The following ZBTB7C variants were observed in gnomAD, a reference collection of about 807,000 sequenced individuals.
ZBTB7C encodes the protein zinc finger and BTB domain containing 7C, also known as zinc finger and BTB domain-containing protein 7C.
ZBTB7C carries 8 observed loss-of-function variants against 25.7 expected under a neutral mutation model. That is an observed-to-expected ratio of 0.31 (90% CI 0.18 to 0.56). The LOEUF (loss-of-function observed/expected upper bound fraction) is 0.56. Ranked by LOEUF, ZBTB7C falls within the 20% of genes least tolerant of loss-of-function variation. The pLI, the probability that ZBTB7C is intolerant of heterozygous loss-of-function variation, is 0.91. For missense variants in ZBTB7C, 824 were observed against 855.2 expected (o/e 0.96, Z 0.46); for synonymous variants, 394 against 369.0 (o/e 1.07, Z -0.78).
Position 48,251,226 on chromosome 18 carries a change from C to T in ZBTB7C, c.-78-65231G>A, listed in dbSNP as rs973879941. 5.9e-5 allele frequency among the ~76,000 whole-genome samples: 9 copies of T among 151,510 alleles called. 1 individual carries two copies. The highest frequency in any genetic ancestry group is 1.3e-4 in the Non-Finnish European group (9 of 67,958). On this transcript the variant is annotated intron_variant, in intron 2 of 4. Coordinates refer to ENST00000590800, the MANE Select transcript of ZBTB7C (RefSeq NM_001318841.2). ...GTGACAGAGCAAGAACCTGTCTCCC[C>T]CCAGAAATAAAGAAATAAAGAATAT...
chr18:48,395,576 G>T (rs2048013390), intron 1 of ZBTB7C, among the ~76,000 whole-genome samples: 1 of 151,802 alleles, frequency 6.6e-6, no homozygotes, highest in Admixed American at 6.6e-5. Flanking sequence ...CTGACAAATG[G>T]CTACTTTCCC....
chr18:48,280,848 C>CTTTTTTT (rs55760047), intron 2 of ZBTB7C, among the ~76,000 whole-genome samples: 1 of 79,892 alleles, frequency 1.3e-5, no homozygotes, highest in Admixed American at 1.3e-4. Flanking sequence ...TTTTCTCTCT[C>CTTTTTTT]TTTTTTTTTT....
chr18:48,399,622 T>G (rs879383268), intron 1 of ZBTB7C, among the ~76,000 whole-genome samples: 25 of 152,202 alleles, frequency 1.6e-4, no homozygotes, highest in Admixed American at 1.2e-3. Flanking sequence ...CTGGGCCTCG[T>G]CTGAAGCAGT....
At chr18:48,206,495 A>C (rs934872054) in intron 2 of ZBTB7C, among the ~76,000 whole-genome samples, 5 of 152,082 alleles carry the variant, frequency 3.3e-5, no homozygotes, top group Non-Finnish European at 7.4e-5. Context: ...TCTCTACAAA[A>C]AATAAAAATA....
chr18:48,155,756 G>T (rs1033520348), intron 3 of ZBTB7C, among the ~76,000 whole-genome samples: 1 of 152,152 alleles, frequency 6.6e-6, no homozygotes, highest in Admixed American at 6.5e-5. Flanking sequence ...GGATGTGCCT[G>T]CATTCTATAT....
At chr18:48,371,098 G>A (rs1233646045) in intron 1 of ZBTB7C, among the ~76,000 whole-genome samples, 1 of 152,050 alleles carries the variant, frequency 6.6e-6, no homozygotes, top group African/African-American at 2.4e-5. Context: ...TGGAGAGAGA[G>A]TACCTAGCTT....
chr18:48,047,532 G>T (rs980526547), intron 3 of ZBTB7C, among the ~76,000 whole-genome samples: 1 of 152,152 alleles, frequency 6.6e-6, no homozygotes, highest in Non-Finnish European at 1.5e-5. Context: ...GAATGCAGGC[G>T]GGTTGAAACC....
At chr18:48,214,784 G>A (rs933576606) in intron 2 of ZBTB7C, among the ~76,000 whole-genome samples, 2 of 152,166 alleles carry the variant, frequency 1.3e-5, no homozygotes, top group Admixed American at 6.5e-5. Flanking sequence ...TACTTTTTAA[G>A]GCTAAATAAT....
rs147872479 is a variant in ZBTB7C at position 48,116,052 on chromosome 18, T to C, written c.-17+69882A>G. Among the ~76,000 whole-genome samples, 437 of 152,134 alleles carry C rather than the reference T, an allele frequency of 2.9e-3. 2 individuals are homozygous for C. Among genetic ancestry groups the C allele is most frequent in the Non-Finnish European group, 4.7e-3 (317 of 68,012 alleles). On this transcript the variant is annotated intron_variant, in intron 3 of 4. Transcript: ENST00000590800. Reference sequence around the variant, plus strand: ...ATATATACATGCTACAGATACTCTTTTGCATGTATCAAGTGCTGCATTAAA... The same window carrying C: ...ATATATACATGCTACAGATACTCTTCTGCATGTATCAAGTGCTGCATTAAA...
intron 2 of ZBTB7C, among the ~76,000 whole-genome samples, chr18:48,271,205 G>C (rs1006756561): frequency 6.6e-6 from 1 of 152,128 alleles, no homozygotes; most frequent in Non-Finnish European, 1.5e-5. Context: ...AACTGTCTCA[G>C]AGAATAGAAT....
chr18:48,126,907 G>C (rs2039819910), intron 3 of ZBTB7C, among the ~76,000 whole-genome samples: 2 of 152,144 alleles, frequency 1.3e-5, no homozygotes, highest in African/African-American at 4.8e-5. Context: ...AGGGAAGAAG[G>C]GGGAGCAAAA....
intron 2 of ZBTB7C, among the ~76,000 whole-genome samples, chr18:48,314,324 A>C (rs1280958107): frequency 6.6e-6 from 1 of 152,188 alleles, no homozygotes; most frequent in African/African-American, 2.4e-5. Flanking sequence ...ATCCTGGGGA[A>C]CATGGCAAAA....
At chr18:48,396,609 A>G (rs2048032880) in intron 1 of ZBTB7C, among the ~76,000 whole-genome samples, 1 of 152,216 alleles carries the variant, frequency 6.6e-6, no homozygotes, top group Non-Finnish European at 1.5e-5. Flanking sequence ...AAATCCACCG[A>G]AGGAAGCATA....
intron 2 of ZBTB7C, among the ~76,000 whole-genome samples, chr18:48,321,264 C>T (rs2144854656): frequency 6.6e-6 from 1 of 152,308 alleles, no homozygotes; most frequent in South Asian, 2.1e-4. Flanking sequence ...CTCCATTCAG[C>T]CACTTGCTCT....
chr18:48,274,864 T>G (rs1458473324), intron 2 of ZBTB7C, among the ~76,000 whole-genome samples: 9 of 152,186 alleles, frequency 5.9e-5, no homozygotes, highest in Admixed American at 5.9e-4. Context: ...GCTAAGTCAA[T>G]GAGCACCTGC....
chr18:48,138,701 T>A (rs962822400), intron 3 of ZBTB7C, among the ~76,000 whole-genome samples: 3 of 152,078 alleles, frequency 2.0e-5, no homozygotes, highest in African/African-American at 7.2e-5. Flanking sequence ...TCCATAGCTT[T>A]TTATCAAAAA....
intron 3 of ZBTB7C, among the ~76,000 whole-genome samples, chr18:48,157,398 G>C (rs1255037011): frequency 6.6e-6 from 1 of 152,142 alleles, no homozygotes; most frequent in Non-Finnish European, 1.5e-5. Context: ...CTAACTGTGG[G>C]CGGATGAGGA....
At chr18:48,056,570 C>T (rs2036922912) in intron 3 of ZBTB7C, among the ~76,000 whole-genome samples, 1 of 152,050 alleles carries the variant, frequency 6.6e-6, no homozygotes, top group Non-Finnish European at 1.5e-5. Context: ...CATAAACAGA[C>T]TCACATAAAT....
At chr18:48,224,781 A>G (rs1032584929) in intron 2 of ZBTB7C, among the ~76,000 whole-genome samples, 3 of 152,190 alleles carry the variant, frequency 2.0e-5, no homozygotes, top group African/African-American at 7.2e-5. Flanking sequence ...GGATGTATAC[A>G]AAACTATACA....
Sources: allele counts gnomAD v4.1 joint callset (sites outside exome capture counted in the v4.1 genomes callset), GRCh38; gene constraint gnomAD v4.1.1; transcripts MANE v1.5; gene names NCBI Gene and HGNC (gene_info 2026-07-23, HGNC 2026-07-21).